The following PXDNL variants were observed in gnomAD, a reference collection of about 807,000 sequenced individuals.
PXDNL encodes probable oxidoreductase PXDNL.
A neutral mutation model predicts 150.8 loss-of-function variants in PXDNL; 145 were observed. The ratio of observed to expected loss-of-function variants is 0.96; its 90% confidence interval spans 0.84 to 1.10. PXDNL has a LOEUF of 1.10. PXDNL is among the 50% of genes least tolerant of loss of function. The pLI is 0.00. For missense variants in PXDNL, 2,087 were observed against 1,873.9 expected (o/e 1.11, Z -2.10); for synonymous variants, 757 against 725.7 (o/e 1.04, Z -0.69).
chr8:51,483,650 T>C lies in PXDNL; in HGVS notation c.517A>G (p.Lys173Glu). Reference protein sequence around the residue: ...AGSFSNLDSLKRLRLDSNALV... With the variant: ...AGSFSNLDSLERLRLDSNALV... The stretch of plus-strand genomic sequence containing the variant: ...GCACTTGCTTTCACTTACAATCTTT[T>C]TAATGAATCCAGATTAGAAAAGCTC... The change falls in exon 6 of 23, where the codon AAA becomes GAA. Residue 173 changes from lysine to glutamate, a missense_variant. Physicochemically the swap from Lys to Glu is moderately conservative, Grantham distance 56 (BLOSUM62 1). Coordinates refer to ENST00000356297, the MANE Select transcript of PXDNL (RefSeq NM_144651.5). 1 of 1,514,800 alleles carries C rather than the reference T, an allele frequency of 6.6e-7. No homozygotes were observed. Among genetic ancestry groups the C allele is most frequent in the Non-Finnish European group, 8.9e-7 (1 of 1,117,412 alleles). The allele number at this position is 1,514,800 out of a possible 1,614,324, so 93.8% of individuals were successfully genotyped here. A position where few individuals can be genotyped will look rare whatever the true frequency, so the allele number is the denominator to read the frequency against.
intron 1 of PXDNL, among the ~76,000 whole-genome samples, chr8:51,752,562 C>T (rs1327247011): frequency 6.6e-6 from 1 of 152,108 alleles, no homozygotes; most frequent in Non-Finnish European, 1.5e-5. Context: ...CTATTTAATA[C>T]AGATCATGTA....
At chr8:51,552,815 C>A (rs971774308) in intron 4 of PXDNL, among the ~76,000 whole-genome samples, 4 of 151,902 alleles carry the variant, frequency 2.6e-5, no homozygotes, top group Admixed American at 6.6e-5. Flanking sequence ...GTGTTCCCCC[C>A]AAAACTATTG....
At chr8:51,679,879 G>C (rs1815704660) in intron 1 of PXDNL, among the ~76,000 whole-genome samples, 1 of 152,158 alleles carries the variant, frequency 6.6e-6, no homozygotes, top group Non-Finnish European at 1.5e-5. Flanking sequence ...CTTCATGAAA[G>C]GGCCAAAGTT....
intron 1 of PXDNL, among the ~76,000 whole-genome samples, chr8:51,671,660 C>G (rs909641821): frequency 6.6e-6 from 1 of 152,076 alleles, no homozygotes; most frequent in Non-Finnish European, 1.5e-5. Flanking sequence ...CCAGACTGCT[C>G]CCCCAGGACT....
intron 5 of PXDNL, among the ~76,000 whole-genome samples, chr8:51,497,009 G>A (rs1811067385): frequency 6.6e-6 from 1 of 152,108 alleles, no homozygotes; most frequent in Admixed American, 6.5e-5. Flanking sequence ...AAAGCTGGAG[G>A]CATCACCCTA....
chr8:51,707,665 A>T lies in PXDNL; in HGVS notation c.165-52905T>A, dbSNP rs117744974. On this transcript the variant is annotated intron_variant, in intron 1 of 22. Coordinates refer to ENST00000356297, the MANE Select transcript of PXDNL (RefSeq NM_144651.5). ...ATTGAAATGTCATACCTACTGAGCA[A>T]CAAATCCCCATTTCCTCCTCCCCAC... 4.9e-4 allele frequency among the ~76,000 whole-genome samples: 74 copies of T among 152,316 alleles called. No homozygotes were observed. In the East Asian group the frequency reaches 0.014, roughly 29 times the overall value.
rs199770812 is a variant in PXDNL, at chr8:51,372,111, C to T, written c.3693-30G>A. 107 of 1,510,560 alleles carry T rather than the reference C, an allele frequency of 7.1e-5. 1 individual carries two copies. The East Asian group carries it at 1.6e-3, about 22-fold the overall frequency. The allele number at this position is 1,510,560 out of a possible 1,614,324, so 93.6% of individuals were successfully genotyped here. On this transcript the variant is annotated intron_variant, in intron 18 of 22. Transcript: ENST00000356297. ...TAGTCAACCAAAAAAAAAACATTGT[C>T]GTGGGTCTGTGGCCTGAGAACTCAG...
intron 10 of PXDNL, among the ~76,000 whole-genome samples, chr8:51,452,924 G>GCACACACACAAACACATACACACACACA (rs1554541846): frequency 3.3e-5 from 2 of 61,216 alleles, no homozygotes; most frequent in African/African-American, 9.1e-5. Flanking sequence ...ACACACAAAC[G>GCACACACACAAACACATACACACACACA]CACACACACA....
intron 1 of PXDNL, among the ~76,000 whole-genome samples, chr8:51,689,458 G>C (rs1815943676): frequency 6.6e-6 from 1 of 151,538 alleles, no homozygotes; most frequent in African/African-American, 2.4e-5. Context: ...ATCCTCTTTT[G>C]ACTCATTAGT....
intron 2 of PXDNL, among the ~76,000 whole-genome samples, chr8:51,639,972 G>A (rs200285114): frequency 5.3e-5 from 8 of 152,018 alleles, no homozygotes; most frequent in South Asian, 2.1e-4. Flanking sequence ...CTGGCAAACC[G>A]AATCCAGCAG....
At chr8:51,368,246 A>G (rs771543624) in intron 19 of PXDNL, among the ~76,000 whole-genome samples, 41 of 152,342 alleles carry the variant, frequency 2.7e-4, no homozygotes, top group Middle Eastern at 3.4e-3. Flanking sequence ...TTCCAGTTTG[A>G]TCACCCATAC....
At chr8:51,544,280 C>T (rs1451907170) in intron 4 of PXDNL, among the ~76,000 whole-genome samples, 1 of 152,104 alleles carries the variant, frequency 6.6e-6, no homozygotes, top group African/African-American at 2.4e-5. Flanking sequence ...AACACAGAAG[C>T]TCCAGCAGAT....
At chr8:51,753,025 C>T (rs563298883) in intron 1 of PXDNL, among the ~76,000 whole-genome samples, 23 of 152,310 alleles carry the variant, frequency 1.5e-4, no homozygotes, top group Admixed American at 3.9e-4. Context: ...TGCCTCCAGC[C>T]GGTGCCATTC....
intron 1 of PXDNL, among the ~76,000 whole-genome samples, chr8:51,767,390 T>C (rs765798525): frequency 6.6e-6 from 1 of 152,168 alleles, no homozygotes; most frequent in Non-Finnish European, 1.5e-5. Flanking sequence ...ATTAGTGATT[T>C]TCTTGAGTGA....
At chr8:51,557,286 T>C (rs1812619927) in intron 3 of PXDNL, among the ~76,000 whole-genome samples, 1 of 152,126 alleles carries the variant, frequency 6.6e-6, no homozygotes, top group African/African-American at 2.4e-5. Flanking sequence ...GTTATAAAAC[T>C]GGCAAATACC....
chr8:51,320,669 C>T (rs780090704), intron 22 of PXDNL, 115 bp downstream of exon 22: 22 of 749,086 alleles, frequency 2.9e-5, no homozygotes, highest in Non-Finnish European at 4.4e-5. Flanking sequence ...AAAAATATGC[C>T]TAGAATCTAT....
chr8:51,515,102 A>G (rs990882558), intron 4 of PXDNL, among the ~76,000 whole-genome samples: 2 of 152,200 alleles, frequency 1.3e-5, no homozygotes, highest in African/African-American at 4.8e-5. Context: ...CTCACCTTAC[A>G]GGGGCGTGAG....
At chr8:51,607,611 T>C (rs11987211) in intron 2 of PXDNL, among the ~76,000 whole-genome samples, 4,347 of 143,826 alleles carry the variant, frequency 0.03, 220 homozygotes, top group African/African-American at 0.083. Context: ...GAGGCCGAGG[T>C]GGGTGGATCA....
intron 3 of PXDNL, among the ~76,000 whole-genome samples, chr8:51,579,575 A>G (rs73588765): frequency 0.025 from 3,826 of 152,174 alleles, 149 homozygotes; most frequent in African/African-American, 0.088. Flanking sequence ...GTAACCCAGC[A>G]ATCACACTCC....
Sources: gnomAD v4.1 joint callset for allele counts (sites outside exome capture counted in the v4.1 genomes callset) on GRCh38, gnomAD v4.1.1 for gene constraint, MANE v1.5 for transcripts, NCBI Gene and HGNC (gene_info 2026-07-23, HGNC 2026-07-21) for gene names.